Variants in UGT1A7 observed in about 807,000 individuals in gnomAD.
UGT1A7 encodes UDP-glucuronosyltransferase 1A7.
In UGT1A7, 33 loss-of-function variants were observed where a neutral mutation model predicts 45.6. That is an observed-to-expected ratio of 0.72 (90% CI 0.55 to 0.97). The LOEUF (loss-of-function observed/expected upper bound fraction) is 0.97, where lower values mean the gene tolerates loss of function less well. Among genes scored for constraint, UGT1A7 ranks in the 50% least tolerant of loss-of-function variants. The pLI is 0.00. For synonymous variants in UGT1A7, 274 were observed against 250.6 expected, an observed-to-expected ratio of 1.09 and a Z score of -0.88; for missense variants, 684 against 666.2, an observed-to-expected ratio of 1.03 and a Z score of -0.29.
Position 233,703,642 on chromosome 2 carries a change from A to G in UGT1A7, c.855+20850A>G, listed in dbSNP as rs548385935. 7.9e-5 allele frequency among the ~76,000 whole-genome samples: 12 copies of G among 152,246 alleles called. No individual in the cohort carries two copies. In the South Asian group the frequency reaches 2.5e-3, roughly 32 times the overall value. On this transcript the variant is annotated intron_variant, in intron 1 of 4. Transcript: ENST00000373426. ...TATTTTATCTGATATTAGTATAACCAATCTGCATTTCTTTTGGTTGCTGTT... is the reference window on the plus strand; with the variant it reads ...TATTTTATCTGATATTAGTATAACCGATCTGCATTTCTTTTGGTTGCTGTT...
chr2:233,745,242 T>C (rs1693050473), intron 1 of UGT1A7, among the ~76,000 whole-genome samples: 11 of 151,840 alleles, frequency 7.2e-5, no homozygotes, highest in Admixed American at 7.2e-4. Context: ...CTATTTACTG[T>C]ATCGAAACCA....
intron 1 of UGT1A7, among the ~76,000 whole-genome samples, chr2:233,764,040 T>A (rs1199805174): frequency 6.6e-6 from 1 of 152,160 alleles, no homozygotes; most frequent in East Asian, 1.9e-4. Flanking sequence ...AAAGAAGAAT[T>A]CTGGGAAAAT....
chr2:233,688,191 G>T (rs924527532), intron 1 of UGT1A7, among the ~76,000 whole-genome samples: 5 of 152,098 alleles, frequency 3.3e-5, no homozygotes, highest in Non-Finnish European at 5.9e-5. Flanking sequence ...CTTTATGACC[G>T]GCTTCTTTCA....
At chr2:233,729,373 T>C (rs1160959644) in intron 1 of UGT1A7, 16 of 1,613,988 alleles carry the variant, frequency 9.9e-6, no homozygotes, top group Non-Finnish European at 1.3e-5. Context: ...CTATGCCATT[T>C]CGTGGACCCA....
intron 1 of UGT1A7, among the ~76,000 whole-genome samples, chr2:233,685,318 CCA>C (rs1575434603): frequency 6.6e-6 from 1 of 152,224 alleles, no homozygotes; most frequent in East Asian, 1.9e-4. Context: ...CAGGTGTGAA[CCA>C]CCACACCCGG....
chr2:233,709,621 T>A (rs1424178540), intron 1 of UGT1A7, among the ~76,000 whole-genome samples: 1 of 152,210 alleles, frequency 6.6e-6, no homozygotes, highest in Non-Finnish European at 1.5e-5. Context: ...TATAGGTGTT[T>A]TGCTGTGAGT....
intron 1 of UGT1A7, among the ~76,000 whole-genome samples, chr2:233,734,109 T>C (rs1028372875): frequency 6.6e-6 from 1 of 152,072 alleles, no homozygotes; most frequent in African/African-American, 2.4e-5. Flanking sequence ...AGTATAATAA[T>C]AATAATAATA....
chr2:233,756,514 G>A (rs1394281486), intron 1 of UGT1A7, among the ~76,000 whole-genome samples: 1 of 152,030 alleles, frequency 6.6e-6, no homozygotes, highest in African/African-American at 2.4e-5. Context: ...AGGGTCAAAT[G>A]TGCATGTTAT....
intron 1 of UGT1A7, chr2:233,729,739 A>G (rs1185017331): frequency 1.9e-6 from 3 of 1,613,856 alleles, no homozygotes; most frequent in East Asian, 4.5e-5. Context: ...TTCAGACCAC[A>G]TGACATTCAT....
intron 1 of UGT1A7, among the ~76,000 whole-genome samples, chr2:233,684,990 G>A (rs1326725422): frequency 6.6e-6 from 1 of 152,146 alleles, no homozygotes; most frequent in African/African-American, 2.4e-5. Context: ...TGCAGTGTGT[G>A]TGTATGTGGT....
Position 233,704,349 on chromosome 2 carries a change from C to A in UGT1A7, c.855+21557C>A, listed in dbSNP as rs185634729. Among the ~76,000 whole-genome samples, 184 of 135,628 alleles carry A rather than the reference C, an allele frequency of 1.4e-3. 1 individual carries two copies. The highest frequency in any genetic ancestry group is 4.9e-3 in the African/African-American group (171 of 34,948). The allele number at this position is 135,628 out of a possible 152,430, so 89.0% of individuals were successfully genotyped here. ...TTTCCACTATTTAAAAAGTTGTGTT[C>A]TGAGCGGTTGTTCTAGGGCTTAGCA... On this transcript the variant is annotated intron_variant, in intron 1 of 4. Coordinates refer to ENST00000373426, the MANE Select transcript of UGT1A7 (RefSeq NM_019077.3).
chr2:233,700,299 A>T (rs888595799), intron 1 of UGT1A7, among the ~76,000 whole-genome samples: 1 of 152,336 alleles, frequency 6.6e-6, no homozygotes, highest in East Asian at 1.9e-4. Flanking sequence ...ACTTAGGCCA[A>T]TGTCTACAAT....
intron 1 of UGT1A7, among the ~76,000 whole-genome samples, chr2:233,701,187 C>G (rs973108286): frequency 6.6e-6 from 1 of 152,116 alleles, no homozygotes; most frequent in Admixed American, 6.5e-5. Context: ...CATACATGTG[C>G]ATGTGTCTTT....
chr2:233,718,715 T>C, intron 1 of UGT1A7: 1 of 1,608,238 alleles, frequency 6.2e-7, no homozygotes, highest in Non-Finnish European at 8.5e-7. Context: ...TCCAATTACA[T>C]GCTGATTTGC....
At chr2:233,764,396 C>G (rs1202361734) in intron 1 of UGT1A7, among the ~76,000 whole-genome samples, 1 of 152,202 alleles carries the variant, frequency 6.6e-6, no homozygotes, top group African/African-American at 2.4e-5. Flanking sequence ...GTGATGACAA[C>G]TTCTCTGCAG....
rs2074551110 is a variant in UGT1A7, at chr2:233,682,022, CTGGTAG to C, written c.88_93del (p.Val30_Val31del). 3.1e-6 allele frequency: 5 copies of C among 1,614,110 alleles called. No individual in the cohort carries two copies. The highest frequency in any genetic ancestry group is 4.2e-6 in the Non-Finnish European group (5 of 1,180,018). On this transcript the variant is annotated inframe_deletion, in exon 1 of 5. Coordinates refer to ENST00000373426, the MANE Select transcript of UGT1A7 (RefSeq NM_019077.3). ...TGGCTTTGCCAAGGCAGGGAAGCTG[CTGGTAG>C]TGCCCATGGATGGGAGCCACTGGTT...
intron 1 of UGT1A7, chr2:233,755,013 G>T: frequency 3.1e-6 from 4 of 1,294,530 alleles, no homozygotes; most frequent in Non-Finnish European, 4.2e-6. Flanking sequence ...CTACTCGAAG[G>T]GGTCCTTGAA....
intron 1 of UGT1A7, chr2:233,747,471 G>A (rs1218539477): frequency 1.9e-5 from 31 of 1,608,712 alleles, no homozygotes; most frequent in Non-Finnish European, 2.4e-5. Context: ...ATGGACCCAG[G>A]ATGAATTTGA....
At chr2:233,759,038 G>T (rs1395341840) in intron 1 of UGT1A7, among the ~76,000 whole-genome samples, 2 of 152,168 alleles carry the variant, frequency 1.3e-5, no homozygotes, top group African/African-American at 2.4e-5. Context: ...TTGGTTTCCT[G>T]TTGTGAACAA....
Sources: gnomAD v4.1 joint callset for allele counts (sites outside exome capture counted in the v4.1 genomes callset) on GRCh38, gnomAD v4.1.1 for gene constraint, MANE v1.5 for transcripts, NCBI Gene and HGNC (gene_info 2026-07-23, HGNC 2026-07-21) for gene names.